Variants in PDE4DIP observed in about 807,000 individuals in gnomAD.
PDE4DIP encodes myomegalin.
Under a neutral mutation model 221.4 loss-of-function variants are expected in PDE4DIP, and 59 were observed. That is an observed-to-expected ratio of 0.27 (90% CI 0.22 to 0.33). PDE4DIP has a LOEUF of 0.33. PDE4DIP is among the 10% of genes least tolerant of loss of function. PDE4DIP has a pLI of 1.00. For synonymous variants in PDE4DIP, 404 were observed against 815.9 expected, an observed-to-expected ratio of 0.50 and a Z score of 8.60; for missense variants, 1,036 against 2,154.2, an observed-to-expected ratio of 0.48 and a Z score of 10.28.
At chr1:148,827,403 C>T (rs1215505126) in intron 1 of PDE4DIP, among the ~76,000 whole-genome samples, 3 of 102,206 alleles carry the variant, frequency 2.9e-5, no homozygotes, top group South Asian at 4.2e-4. Flanking sequence ...CACAGGCACC[C>T]GCCACCACGT....
chr1:148,995,868 TAAAATAAA>T (rs1490545546), intron 22 of PDE4DIP, among the ~76,000 whole-genome samples: 1 of 114,192 alleles, frequency 8.8e-6, no homozygotes, highest in Non-Finnish European at 1.9e-5. Flanking sequence ...ATAATAATAA[TAAAATAAA>T]AAAATAAAAA....
In PDE4DIP at chr1:148,907,134, C is replaced by T. The variant is rs1284056553; in HGVS notation, c.141+17240C>T. Among the ~76,000 whole-genome samples, 53 of 145,808 alleles carry T rather than the reference C, an allele frequency of 3.6e-4. 3 individuals are homozygous for T. The South Asian group carries it at 0.011, about 31-fold the overall frequency. On this transcript the variant is annotated intron_variant, in intron 1 of 43. Coordinates refer to ENST00000369354, the Ensembl canonical transcript of PDE4DIP. ...TCCATTTGCATGAAATGTCTTTTTC[C>T]ACCCCTTTACCTTAAGTTTATGTGA...
intron 1 of PDE4DIP, chr1:148,844,682 C>G: frequency 3.6e-5 from 1 of 27,644 alleles, no homozygotes. Flanking sequence ...CTGCCTTTTG[C>G]GCTGGAGATT....
chr1:149,029,713 T>C (rs75855616), intron 41 of PDE4DIP, 74 bp from the exon 45 acceptor site: 194 of 768,632 alleles, frequency 2.5e-4, no homozygotes, highest in East Asian at 3.7e-4. Flanking sequence ...CTTCTTTGAA[T>C]TGGAAAGAGC....
rs67455681 is a variant in PDE4DIP, at chr1:148,852,448, G to GA, written c.234-10770dup. Among the ~76,000 whole-genome samples, 16 of 3,548 alleles carry GA rather than the reference G, an allele frequency of 4.5e-3. 1 individual carries two copies. The highest frequency in any genetic ancestry group is 6.4e-3 in the Non-Finnish European group (9 of 1,398). The allele number at this position is 3,548 out of a possible 152,430, so 2.3% of individuals were successfully genotyped here. On this transcript the variant is annotated intron_variant, in intron 1 of 45. Coordinates refer to the PDE4DIP transcript ENST00000524974. ...TGGGTGACAGAGCAAGACTTTGTCGGAAAAAAAAAAAAAAAAAAAAAAAAA... is the reference window on the plus strand; with the variant it reads ...TGGGTGACAGAGCAAGACTTTGTCGGAAAAAAAAAAAAAAAAAAAAAAAAAA...
intron 23 of PDE4DIP, chr1:148,999,272 C>A (rs2065060243): frequency 6.6e-6 from 1 of 151,434 alleles, no homozygotes; most frequent in Non-Finnish European, 1.5e-5. Flanking sequence ...TTCATTCACT[C>A]CCAGGACTAT....
At chr1:149,010,631 C>G (rs1359752197) in intron 31 of PDE4DIP, 36 bp downstream of exon 34, 5 of 1,606,476 alleles carry the variant, frequency 3.1e-6, no homozygotes, top group Non-Finnish European at 4.3e-6. Context: ...GCTTCATCTC[C>G]TCTTTCTCTG....
chr1:149,000,446 T>C (rs1249044834), intron 23 of PDE4DIP, among the ~76,000 whole-genome samples: 6 of 151,638 alleles, frequency 4.0e-5, no homozygotes, highest in African/African-American at 1.5e-4. Flanking sequence ...TCCCAGCTAC[T>C]CGGGAGGCTG....
chr1:148,985,249 A>C (rs1417199103), intron 21 of PDE4DIP: 2 of 152,152 alleles, frequency 1.3e-5, no homozygotes, highest in African/African-American at 4.8e-5. Context: ...AATAGCTGGA[A>C]ATATGGAACT....
intron 19 of PDE4DIP, 42 bp downstream of exon 22, chr1:148,978,457 T>G: frequency 7.2e-7 from 1 of 1,393,688 alleles, no homozygotes; most frequent in East Asian, 2.4e-5. Context: ...TATTTACATT[T>G]TTTTGTATTC....
At chr1:148,889,184 T>C (rs587763306), upstream of PDE4DIP, among the ~76,000 whole-genome samples, 1 of 152,146 alleles carries the variant, frequency 6.6e-6, no homozygotes, top group South Asian at 2.1e-4. Flanking sequence ...CCGTTTTATG[T>C]ACATGGTCTT....
At chr1:148,954,847 C>G (rs1286813934) in intron 5 of PDE4DIP, among the ~76,000 whole-genome samples, 1 of 152,218 alleles carries the variant, frequency 6.6e-6, no homozygotes, top group Non-Finnish European at 1.5e-5. Context: ...TTTAACAATA[C>G]TGTCACAAAG....
At chr1:148,941,012 C>T (rs1298581771) in intron 5 of PDE4DIP, among the ~76,000 whole-genome samples, 2 of 120,350 alleles carry the variant, frequency 1.7e-5, no homozygotes, top group Admixed American at 9.0e-5. Flanking sequence ...CACTTATCAT[C>T]GTGACAACAT....
intron 38 of PDE4DIP, among the ~76,000 whole-genome samples, chr1:149,025,272 C>T (rs1299151637): frequency 6.6e-6 from 1 of 152,052 alleles, no homozygotes; most frequent in Admixed American, 6.6e-5. Context: ...TGTGTTCCTT[C>T]CAGCTCATTG....
At chr1:149,032,973 G>A (rs61804966) in exon 44 of PDE4DIP, 4,094 of 183,346 alleles carry the variant, frequency 0.022, 61 homozygotes, top group Middle Eastern at 0.043. Context: ...TTTGGTGATT[G>A]TTAAAGCAAA....
At chr1:148,919,996 TCAAGGACAATGATGC>T (rs2045154830) in intron 1 of PDE4DIP, among the ~76,000 whole-genome samples, 1 of 138,804 alleles carries the variant, frequency 7.2e-6, no homozygotes, top group Non-Finnish European at 1.5e-5. Flanking sequence ...CTCCTTGAGG[TCAAGGACAATGATGC>T]CAAGAAAAGC....
chr1:148,981,457 C>A lies in PDE4DIP; in HGVS notation c.2815+60C>A. On this transcript the variant is annotated intron_variant, in intron 21 of 43. Coordinates refer to ENST00000369354, the Ensembl canonical transcript of PDE4DIP. Reference sequence around the variant, plus strand: ...GCATGCCTACTGAGCACTGGCGGGTCAGACTGCAGCCCAGGATGGAAAACC... The same window carrying A: ...GCATGCCTACTGAGCACTGGCGGGTAAGACTGCAGCCCAGGATGGAAAACC... The A allele has an allele frequency of 1.9e-6, 3 of 1,606,944 alleles. No individual in the cohort carries two copies. The South Asian group carries it at 3.3e-5, about 18-fold the overall frequency.
chr1:148,818,004 A>G (rs2442656), intron 1 of PDE4DIP, among the ~76,000 whole-genome samples: 1 of 148,816 alleles, frequency 6.7e-6, no homozygotes, highest in African/African-American at 2.5e-5. Context: ...TTTATTAGAG[A>G]TGGGGTTTCA....
chr1:148,827,611 G>A (rs10797627), intron 1 of PDE4DIP, among the ~76,000 whole-genome samples: 20,591 of 72,296 alleles, frequency 0.28, 395 homozygotes, highest in East Asian at 0.45. Flanking sequence ...ATATTCTTAG[G>A]AGATACACAT....
Sources: allele counts gnomAD v4.1 joint callset (sites outside exome capture counted in the v4.1 genomes callset), GRCh38; gene constraint gnomAD v4.1.1; transcripts MANE v1.5; gene names NCBI Gene and HGNC (gene_info 2026-07-23, HGNC 2026-07-21).